Variants in LRMDA observed in about 807,000 individuals in gnomAD.
The protein encoded by LRMDA is leucine-rich melanocyte differentiation-associated protein.
Under a neutral mutation model 29.8 loss-of-function variants are expected in LRMDA, and 18 were observed. The observed-to-expected ratio is 0.60, with a 90% CI of 0.42 to 0.90. LRMDA has a LOEUF of 0.90. Ranked by LOEUF, LRMDA falls within the 40% of genes least tolerant of loss-of-function variation. LRMDA has a pLI of 0.00. For missense variants in LRMDA, 273 were observed against 273.9 expected (o/e 1.00, Z 0.02); for synonymous variants, 125 against 109.4 (o/e 1.14, Z -0.89).
chr10:76,352,842 C>T (rs984781006), intron 6 of LRMDA, among the ~76,000 whole-genome samples: 1 of 151,854 alleles, frequency 6.6e-6, no homozygotes, highest in Non-Finnish European at 1.5e-5. Flanking sequence ...AAGGACCAGC[C>T]CCTGTGGCAG....
intron 6 of LRMDA, among the ~76,000 whole-genome samples, chr10:76,413,530 G>A (rs1428603833): frequency 6.6e-6 from 1 of 152,074 alleles, no homozygotes; most frequent in Non-Finnish European, 1.5e-5. Flanking sequence ...CAGTATGGGG[G>A]AAACTGACCC....
chr10:75,578,244 C>G (rs1840536582), intron 2 of LRMDA, among the ~76,000 whole-genome samples: 3 of 63,180 alleles, frequency 4.7e-5, no homozygotes, highest in Non-Finnish European at 4.5e-5. Flanking sequence ...AAAAAAGCAG[C>G]AGTTGCAATT....
At chr10:76,317,353 CCTT>C (rs1450992123) in intron 5 of LRMDA, among the ~76,000 whole-genome samples, 3 of 152,156 alleles carry the variant, frequency 2.0e-5, no homozygotes, top group South Asian at 2.1e-4. Flanking sequence ...TTTACCATCT[CCTT>C]CTTTTTCCTC....
At chr10:76,477,084 T>C (rs541241577) in intron 6 of LRMDA, among the ~76,000 whole-genome samples, 18 of 152,228 alleles carry the variant, frequency 1.2e-4, no homozygotes, top group African/African-American at 3.9e-4. Context: ...TAAAGGGCAT[T>C]CAATTAGGAA....
chr10:76,066,827 A>G (rs1160424572), intron 5 of LRMDA, among the ~76,000 whole-genome samples: 6 of 152,180 alleles, frequency 3.9e-5, no homozygotes, highest in Non-Finnish European at 8.8e-5. Context: ...GAACCTTGGC[A>G]GAGTTTGAAG....
intron 2 of LRMDA, among the ~76,000 whole-genome samples, chr10:75,649,226 G>A (rs1000115895): frequency 1.3e-5 from 2 of 152,188 alleles, no homozygotes; most frequent in African/African-American, 2.4e-5. Flanking sequence ...ATCCTTTTGT[G>A]TCTGGCTTCT....
chr10:76,278,395 C>G (rs1840162136), intron 5 of LRMDA, among the ~76,000 whole-genome samples: 1 of 152,156 alleles, frequency 6.6e-6, no homozygotes, highest in Non-Finnish European at 1.5e-5. Context: ...GCTTTATAAA[C>G]TATAAAGTGC....
chr10:75,592,628 C>A (rs906375309), intron 2 of LRMDA, among the ~76,000 whole-genome samples: 1 of 152,192 alleles, frequency 6.6e-6, no homozygotes, highest in Admixed American at 6.5e-5. Flanking sequence ...CGTCGTCGGG[C>A]ATAACGGGTT....
chr10:76,001,107 C>A (rs1847555101), intron 2 of LRMDA, among the ~76,000 whole-genome samples: 2 of 152,196 alleles, frequency 1.3e-5, no homozygotes, highest in African/African-American at 4.8e-5. Flanking sequence ...ACCACCCTGC[C>A]TTCCTGGAGA....
chr10:76,508,477 G>A lies in LRMDA; in HGVS notation c.602-48732G>A, dbSNP rs187514350. On this transcript the variant is annotated intron_variant, in intron 6 of 6. Coordinates refer to ENST00000611255, the MANE Select transcript of LRMDA (RefSeq NM_001305581.2). The stretch of plus-strand genomic sequence containing the variant: ...ATATTTACTTATTTATAACATTGTG[G>A]TCTCATGGATTCTTACTTTATTCTA... 1.5e-4 allele frequency among the ~76,000 whole-genome samples: 23 copies of A among 152,090 alleles called. No homozygotes were observed. In the East Asian group the frequency reaches 4.3e-3, roughly 28 times the overall value.
chr10:76,469,145 T>C (rs535573035), intron 6 of LRMDA, among the ~76,000 whole-genome samples: 1 of 152,288 alleles, frequency 6.6e-6, no homozygotes, highest in African/African-American at 2.4e-5. Context: ...GACCTGTTCC[T>C]TTCCTCCTCC....
intron 2 of LRMDA, among the ~76,000 whole-genome samples, chr10:75,706,227 T>C (rs1161712903): frequency 2.0e-5 from 3 of 149,794 alleles, no homozygotes; most frequent in African/African-American, 4.9e-5. Context: ...CTATGGACTA[T>C]ATAGTTTTCT....
chr10:75,874,109 G>A (rs1845157239), intron 2 of LRMDA, among the ~76,000 whole-genome samples: 1 of 152,162 alleles, frequency 6.6e-6, no homozygotes, highest in African/African-American at 2.4e-5. Flanking sequence ...AACTCAAGAG[G>A]TGGTAGATTG....
At chr10:75,696,877 C>T (rs1842241765) in intron 2 of LRMDA, among the ~76,000 whole-genome samples, 1 of 152,174 alleles carries the variant, frequency 6.6e-6, no homozygotes, top group South Asian at 2.1e-4. Flanking sequence ...CCTAACTGCC[C>T]CTCCACTGAC....
In LRMDA at chr10:75,960,683, G is replaced by A. The variant is rs572844960; in HGVS notation, c.132-75325G>A. Among the ~76,000 whole-genome samples, 8 of 152,098 alleles carry A rather than the reference G, an allele frequency of 5.3e-5. No individual in the cohort carries two copies. In the South Asian group the frequency reaches 1.0e-3, roughly 20 times the overall value. ...GGCTGGAGTACAGTGGCATGATCTC[G>A]GCTCACTGCAACCTCTGTCTCCAGG... On this transcript the variant is annotated intron_variant, in intron 2 of 6. Transcript: ENST00000611255.
chr10:75,622,575 C>A lies in LRMDA; in HGVS notation c.131+184081C>A, dbSNP rs777226490. Among the ~76,000 whole-genome samples the A allele has an allele frequency of 7.0e-4, 106 of 152,274 alleles. 1 individual carries two copies. The highest frequency in any genetic ancestry group is 1.1e-3 in the Non-Finnish European group (78 of 68,030). ...AATAAACAACTGGTCACTGCATTGA[C>A]CACTGAAACTAATAAAGATATATAG... On this transcript the variant is annotated intron_variant, in intron 2 of 6. Coordinates refer to ENST00000611255, the MANE Select transcript of LRMDA (RefSeq NM_001305581.2).
At chr10:75,985,837 C>T (rs754763085) in intron 2 of LRMDA, among the ~76,000 whole-genome samples, 5 of 152,222 alleles carry the variant, frequency 3.3e-5, no homozygotes, top group Middle Eastern at 3.4e-3. Context: ...TGCGATGAAG[C>T]GAAAAGGGGT....
chr10:76,516,640 G>C (rs533972625), intron 6 of LRMDA, among the ~76,000 whole-genome samples: 3 of 152,110 alleles, frequency 2.0e-5, no homozygotes, highest in Non-Finnish European at 4.4e-5. Flanking sequence ...ATGGTTTCCA[G>C]TTTCATCCAT....
intron 6 of LRMDA, among the ~76,000 whole-genome samples, chr10:76,532,809 C>A (rs1353394158): frequency 1.3e-5 from 2 of 152,100 alleles, no homozygotes; most frequent in African/African-American, 4.8e-5. Flanking sequence ...TTTAGGAATG[C>A]ATTGTTTTCT....
Sources: allele counts gnomAD v4.1 joint callset (sites outside exome capture counted in the v4.1 genomes callset), GRCh38; gene constraint gnomAD v4.1.1; transcripts MANE v1.5; gene names NCBI Gene and HGNC (gene_info 2026-07-23, HGNC 2026-07-21).